Variants in BCO1 observed in about 807,000 individuals in gnomAD.
The protein encoded by BCO1 is beta-carotene oxygenase 1.
Under a neutral mutation model 56.3 loss-of-function variants are expected in BCO1, and 54 were observed. The ratio of observed to expected loss-of-function variants is 0.96; its 90% confidence interval spans 0.77 to 1.20. The LOEUF (loss-of-function observed/expected upper bound fraction) is 1.20. Ranked by LOEUF, BCO1 falls within the 50% of genes most tolerant of loss-of-function variation. The pLI is 0.00. For synonymous variants in BCO1, 318 were observed against 266.1 expected, an observed-to-expected ratio of 1.20 and a Z score of -1.90; for missense variants, 801 against 690.9, an observed-to-expected ratio of 1.16 and a Z score of -1.79.
chr16:81,280,866 G>C lies in BCO1; in HGVS notation c.1111G>C (p.Val371Leu), dbSNP rs375301674. The C allele has an allele frequency of 6.2e-7, 1 of 1,613,398 alleles. No individual in the cohort carries two copies. Among genetic ancestry groups the C allele is most frequent in the Non-Finnish European group, 8.5e-7 (1 of 1,179,314 alleles). Residue 371 changes from valine (V) to leucine (L), a missense_variant, in exon 8 of 11, where the codon GTG (valine) becomes CTG (leucine). Physicochemically the swap from Val to Leu is conservative, Grantham distance 32. Coordinates refer to ENST00000258168, the MANE Select transcript of BCO1 (RefSeq NM_017429.3). ...AACTGAATTTTTTCAGAATGCAGAA[G>C]TGGGCACAAATTTAATCAAAGTGGC... ...VPLHVDKNAEVGTNLIKVAST... is the reference protein window; with the variant it reads ...VPLHVDKNAELGTNLIKVAST...
chr16:81,276,184 A>C (rs1254102532), intron 7 of BCO1, among the ~76,000 whole-genome samples: 4 of 152,182 alleles, frequency 2.6e-5, no homozygotes, highest in Non-Finnish European at 5.9e-5. Context: ...CTCTGTGTTC[A>C]ATGCCTTTTC....
At chr16:81,250,421 C>T (rs1597348388) in intron 2 of BCO1, among the ~76,000 whole-genome samples, 1 of 152,062 alleles carries the variant, frequency 6.6e-6, no homozygotes, top group South Asian at 2.1e-4. Flanking sequence ...CTCCGTGGCA[C>T]CCCATTGTCT....
At chr16:81,245,079 G>A (rs112296127) in intron 1 of BCO1, among the ~76,000 whole-genome samples, 1,921 of 152,050 alleles carry the variant, frequency 0.013, 33 homozygotes, top group African/African-American at 0.043. Context: ...TTTAGTAGAG[G>A]TGGGATTTCA....
intron 1 of BCO1, among the ~76,000 whole-genome samples, chr16:81,239,874 T>G (rs1218016983): frequency 2.0e-5 from 3 of 152,194 alleles, no homozygotes; most frequent in African/African-American, 4.8e-5. Flanking sequence ...TTCCTGGTTC[T>G]GGACTCCCGG....
At chr16:81,287,821 C>G (rs1336733400) in intron 10 of BCO1, among the ~76,000 whole-genome samples, 2 of 152,152 alleles carry the variant, frequency 1.3e-5, no homozygotes, top group African/African-American at 4.8e-5. Flanking sequence ...ACTGACTTCT[C>G]CCGACAATGA....
At chr16:81,281,032 T>C in intron 8 of BCO1, 70 bp downstream of exon 8, 4 of 1,102,334 alleles carry the variant, frequency 3.6e-6, no homozygotes, top group Non-Finnish European at 5.5e-6. Context: ...GAGGCCTCTT[T>C]ACATAATAAT....
intron 6 of BCO1, among the ~76,000 whole-genome samples, chr16:81,268,818 A>G (rs968635463): frequency 2.6e-5 from 4 of 152,014 alleles, no homozygotes; most frequent in African/African-American, 9.7e-5. Context: ...TTGCTCTGTC[A>G]CCCAGGCTGG....
chr16:81,251,967 C>T (rs942331845), intron 2 of BCO1, among the ~76,000 whole-genome samples: 5 of 151,716 alleles, frequency 3.3e-5, no homozygotes, highest in African/African-American at 4.8e-5. Flanking sequence ...GGCAGGAGCA[C>T]GTCTGTTGGC....
intron 2 of BCO1, among the ~76,000 whole-genome samples, chr16:81,254,626 A>T (rs1268699410): frequency 1.3e-5 from 2 of 152,024 alleles, no homozygotes; most frequent in Non-Finnish European, 2.9e-5. Flanking sequence ...CACAGGTGGG[A>T]GTCATTGCCA....
chr16:81,268,206 GT>G, intron 6 of BCO1, 75 bp downstream of exon 6: 1 of 1,384,070 alleles, frequency 7.2e-7, no homozygotes, highest in Non-Finnish European at 1.0e-6. Flanking sequence ...GGAGGGTGAA[GT>G]TTAAGGCAAG....
At chr16:81,281,318 T>C (rs1225221372) in intron 8 of BCO1, among the ~76,000 whole-genome samples, 2 of 152,114 alleles carry the variant, frequency 1.3e-5, no homozygotes, top group East Asian at 1.9e-4. Context: ...TGGTGGCGCA[T>C]GCCTGTGGTC....
chr16:81,256,286 A>G (rs1211971261), intron 2 of BCO1, among the ~76,000 whole-genome samples: 1 of 152,106 alleles, frequency 6.6e-6, no homozygotes, highest in East Asian at 1.9e-4. Context: ...CTAAGATATC[A>G]AAAGGCACTG....
chr16:81,269,241 G>A (rs1403787483), intron 6 of BCO1, among the ~76,000 whole-genome samples: 1 of 150,378 alleles, frequency 6.6e-6, no homozygotes. Context: ...GGGAGCCACT[G>A]CTACCCACTG....
At chr16:81,256,760 T>C (rs1280686952) in intron 2 of BCO1, among the ~76,000 whole-genome samples, 1 of 152,086 alleles carries the variant, frequency 6.6e-6, no homozygotes, top group Non-Finnish European at 1.5e-5. Context: ...TGGTGGCACA[T>C]GCCTGTAGTC....
At position 81,291,013 on chromosome 16, in the gene BCO1, G is replaced by A. The variant is rs1035326943; in HGVS notation, c.*436G>A. On this transcript the variant is annotated 3_prime_UTR_variant, in exon 11 of 11. Transcript: ENST00000258168. Reference sequence around the variant, plus strand: ...CCATGTTTCTGGTGGACTAAATTGTGTATCTGGGAGTTCTCACTTTCTAGC... The same window carrying A: ...CCATGTTTCTGGTGGACTAAATTGTATATCTGGGAGTTCTCACTTTCTAGC... 7 of 168,474 alleles carry A rather than the reference G, an allele frequency of 4.2e-5. No individual in the cohort carries two copies. The highest frequency in any genetic ancestry group is 7.8e-5 in the Non-Finnish European group (6 of 77,080). The allele number at this position is 168,474 out of a possible 1,614,324, so 10.4% of individuals were successfully genotyped here. A position where few individuals can be genotyped will look rare whatever the true frequency, so the allele number is the denominator to read the frequency against.
In BCO1 at chr16:81,264,694, G is replaced by C. The variant is rs1906700400; in HGVS notation, c.526G>C (p.Asp176His). 2 of 1,614,166 alleles carry C rather than the reference G, an allele frequency of 1.2e-6. No homozygotes were observed. The highest frequency in any genetic ancestry group is 1.7e-6 in the Non-Finnish European group (2 of 1,179,992). ...VNLATSHPHY[D>H]EAGNVLNMGT... is the part of the protein sequence containing the mutation. ...TCTGGCAACGTCACATCCCCATTAT[G>C]ATGAGGCTGGAAATGTTCTAAACAT... Residue 176 changes from aspartate to histidine, a missense_variant, in exon 5 of 11, where the codon GAT (aspartate) becomes CAT (histidine). By Grantham distance (81) the Asp-to-His change is moderately conservative. Coordinates refer to ENST00000258168, the MANE Select transcript of BCO1 (RefSeq NM_017429.3).
rs372084002 is a variant in BCO1, at chr16:81,248,405, C to CAAAAAAAAAAAAAAA, written c.193+2809_193+2823dup. On this transcript the variant is annotated intron_variant, in intron 2 of 10. Transcript: ENST00000258168. ...GCAACAAGAGCGAGGCTCCCTCTCA[C>CAAAAAAAAAAAAAAA]AAAAAAAAAAAAAAAAAAAAATTAT... Among the ~76,000 whole-genome samples the CAAAAAAAAAAAAAAA allele has an allele frequency of 5.0e-4, 51 of 102,774 alleles. 1 individual carries two copies. The highest frequency in any genetic ancestry group is 2.1e-3 in the African/African-American group (50 of 23,656). The allele number at this position is 102,774 out of a possible 152,430, so 67.4% of individuals were successfully genotyped here. A position where few individuals can be genotyped will look rare whatever the true frequency, so the allele number is the denominator to read the frequency against.
chr16:81,241,663 C>G (rs6564852), intron 1 of BCO1, among the ~76,000 whole-genome samples: 1 of 152,020 alleles, frequency 6.6e-6, no homozygotes, highest in African/African-American at 2.4e-5. Context: ...CATCAAGCCT[C>G]CCTATTGACA....
chr16:81,265,343 C>G (rs1349505375), intron 5 of BCO1, among the ~76,000 whole-genome samples: 1 of 150,730 alleles, frequency 6.6e-6, no homozygotes, highest in East Asian at 2.0e-4. Context: ...TACCCACTAT[C>G]CATCTACCCA....
Sources: gnomAD v4.1 joint callset for allele counts (sites outside exome capture counted in the v4.1 genomes callset) on GRCh38, gnomAD v4.1.1 for gene constraint, MANE v1.5 for transcripts, NCBI Gene and HGNC (gene_info 2026-07-23, HGNC 2026-07-21) for gene names.